CNTN5: variants seen among roughly 807,000 people sequenced by gnomAD.
CNTN5 encodes the protein contactin-5.
A neutral mutation model predicts 129.1 loss-of-function variants in CNTN5; 77 were observed. That is an observed-to-expected ratio of 0.60 (90% CI 0.50 to 0.72). The LOEUF (loss-of-function observed/expected upper bound fraction) is 0.72. Among genes scored for constraint, CNTN5 ranks in the 30% least tolerant of loss-of-function variants. CNTN5 has a pLI of 0.00. For synonymous variants in CNTN5, 509 were observed against 465.6 expected, an observed-to-expected ratio of 1.09 and a Z score of -1.20; for missense variants, 1,478 against 1,328.8, an observed-to-expected ratio of 1.11 and a Z score of -1.75.
At chr11:100,309,031 G>A (rs1951414659) in intron 21 of CNTN5, 1 of 985,042 alleles carries the variant, frequency 1.0e-6, no homozygotes, top group Non-Finnish European at 1.2e-6. Context: ...AGCCTCCGCA[G>A]AGAATAGCAG....
chr11:99,716,168 T>C (rs1955212358), intron 3 of CNTN5, among the ~76,000 whole-genome samples: 1 of 152,038 alleles, frequency 6.6e-6, no homozygotes, highest in South Asian at 2.1e-4. Flanking sequence ...TTGTGAACTC[T>C]TAGGTCAGCA....
At position 99,781,257 on chromosome 11, in the gene CNTN5, T is replaced by C. The variant is rs148999168; in HGVS notation, c.56-38287T>C. Among the ~76,000 whole-genome samples the C allele has an allele frequency of 7.0e-4, 107 of 152,210 alleles. 1 individual carries two copies. Among genetic ancestry groups the C allele is most frequent in the African/African-American group, 2.4e-3 (99 of 41,562 alleles). On this transcript the variant is annotated intron_variant, in intron 3 of 24. Coordinates refer to ENST00000524871, the MANE Select transcript of CNTN5 (RefSeq NM_014361.4). ...CAGTCCCCACACAAGGTTTTAGATA[T>C]ATGTATTGCTCAACTCAACAGGTAT...
At chr11:99,764,375 A>G (rs945626334) in intron 3 of CNTN5, among the ~76,000 whole-genome samples, 1 of 151,470 alleles carries the variant, frequency 6.6e-6, no homozygotes, top group Admixed American at 6.6e-5. Flanking sequence ...TTAAAAAAAA[A>G]TAAAGAAGAA....
At chr11:99,638,859 A>G (rs1342698702) in intron 3 of CNTN5, among the ~76,000 whole-genome samples, 3 of 152,106 alleles carry the variant, frequency 2.0e-5, no homozygotes, top group Admixed American at 6.5e-5. Flanking sequence ...TTCCAGGTGC[A>G]TGGTGCAAGC....
intron 3 of CNTN5, among the ~76,000 whole-genome samples, chr11:99,556,623 C>A (rs1419349353): frequency 1.0e-5 from 1 of 97,540 alleles, no homozygotes; most frequent in Admixed American, 1.2e-4. Context: ...TACATATGTG[C>A]ATATATTTAT....
chr11:99,051,973 A>T (rs913159494), intron 1 of CNTN5, among the ~76,000 whole-genome samples: 10 of 151,882 alleles, frequency 6.6e-5, no homozygotes, highest in African/African-American at 2.4e-4. Context: ...GATGAATTAC[A>T]TTTTAATGTT....
At chr11:99,298,291 G>C (rs1864472823) in intron 1 of CNTN5, among the ~76,000 whole-genome samples, 1 of 152,198 alleles carries the variant, frequency 6.6e-6, no homozygotes, top group African/African-American at 2.4e-5. Context: ...CTCGTGGTCA[G>C]AACAAATTTA....
chr11:99,771,818 C>T (rs1944955722), intron 3 of CNTN5, among the ~76,000 whole-genome samples: 1 of 151,866 alleles, frequency 6.6e-6, no homozygotes, highest in African/African-American at 2.4e-5. Context: ...ATGATGGCAA[C>T]TGCGTGAGGT....
intron 1 of CNTN5, among the ~76,000 whole-genome samples, chr11:99,156,023 G>C (rs1860316547): frequency 6.6e-6 from 1 of 151,920 alleles, no homozygotes; most frequent in African/African-American, 2.4e-5. Flanking sequence ...TATGATCTTT[G>C]CAATAAAAAG....
chr11:99,382,962 T>A (rs986633780), intron 2 of CNTN5, among the ~76,000 whole-genome samples: 7 of 140,040 alleles, frequency 5.0e-5, no homozygotes, highest in Admixed American at 4.0e-4. Context: ...GTTCAAACAA[T>A]TCTCCTGCCT....
At chr11:99,947,532 A>G (rs573747441) in intron 7 of CNTN5, among the ~76,000 whole-genome samples, 1 of 152,296 alleles carries the variant, frequency 6.6e-6, no homozygotes, top group South Asian at 2.1e-4. Flanking sequence ...AAGCCATAAA[A>G]GCACAAAAAA....
At chr11:99,769,289 T>C (rs866017305) in intron 3 of CNTN5, among the ~76,000 whole-genome samples, 2 of 152,284 alleles carry the variant, frequency 1.3e-5, no homozygotes, top group Middle Eastern at 3.4e-3. Context: ...GTATGTACTA[T>C]TCTTTAAGGA....
intron 1 of CNTN5, among the ~76,000 whole-genome samples, chr11:99,039,037 T>G (rs1863875511): frequency 6.6e-6 from 1 of 152,038 alleles, no homozygotes; most frequent in African/African-American, 2.4e-5. Flanking sequence ...AATAAAGTCA[T>G]AAGAGGAGTA....
chr11:100,340,019 C>G (rs545926812), intron 21 of CNTN5, among the ~76,000 whole-genome samples: 1 of 152,240 alleles, frequency 6.6e-6, no homozygotes, highest in East Asian at 1.9e-4. Flanking sequence ...TAAACTGATA[C>G]AGCTCGTGTG....
intron 2 of CNTN5, among the ~76,000 whole-genome samples, chr11:99,520,421 G>T (rs1193084509): frequency 6.6e-6 from 1 of 152,094 alleles, no homozygotes; most frequent in Non-Finnish European, 1.5e-5. Context: ...TGATCAAAGT[G>T]CTTACACAAG....
At chr11:99,546,322 GGAGGGTGGAACAGGAATTTATA>G (rs1948289514) in intron 2 of CNTN5, among the ~76,000 whole-genome samples, 1 of 152,156 alleles carries the variant, frequency 6.6e-6, no homozygotes, top group Non-Finnish European at 1.5e-5. Context: ...TTGAGGGAGG[GGAGGGTGGAACAGGAATTTATA>G]CAAACAGGTT....
At chr11:99,566,286 T>A (rs1305174690) in intron 3 of CNTN5, among the ~76,000 whole-genome samples, 1 of 152,204 alleles carries the variant, frequency 6.6e-6, no homozygotes. Context: ...CTCCTCTTGC[T>A]TTCTGCCATT....
chr11:99,100,934 A>G lies in CNTN5; in HGVS notation c.-210+79664A>G, dbSNP rs373045666. On this transcript the variant is annotated intron_variant, in intron 1 of 24. Coordinates refer to ENST00000524871, the MANE Select transcript of CNTN5 (RefSeq NM_014361.4). The stretch of plus-strand genomic sequence containing the variant: ...CTTACATGACTTTTGTAAAAGCAAT[A>G]AGAATTAATATGATTGTATTAGTCC... 2.0e-5 allele frequency among the ~76,000 whole-genome samples: 3 copies of G among 152,318 alleles called. No individual in the cohort carries two copies. In the South Asian group the frequency reaches 6.2e-4, roughly 32 times the overall value.
intron 2 of CNTN5, among the ~76,000 whole-genome samples, chr11:99,393,441 C>T (rs558790753): frequency 6.6e-6 from 1 of 151,886 alleles, no homozygotes; most frequent in Admixed American, 6.6e-5. Flanking sequence ...ATTGTTTATT[C>T]TCACAACTGT....
Sources: gnomAD v4.1 joint callset for allele counts (sites outside exome capture counted in the v4.1 genomes callset) on GRCh38, gnomAD v4.1.1 for gene constraint, MANE v1.5 for transcripts, NCBI Gene and HGNC (gene_info 2026-07-23, HGNC 2026-07-21) for gene names.